Variants in AGBL4 observed in about 807,000 individuals in gnomAD.
AGBL4 encodes the protein cytosolic carboxypeptidase 6.
A neutral mutation model predicts 66.4 loss-of-function variants in AGBL4; 58 were observed. The ratio of observed to expected loss-of-function variants is 0.87; its 90% CI spans 0.71 to 1.09. The LOEUF is 1.09. AGBL4 is among the 50% of genes least tolerant of loss of function. AGBL4 has a pLI of 0.00. For missense variants in AGBL4, 579 were observed against 631.0 expected (o/e 0.92, Z 0.88); for synonymous variants, 234 against 222.9 (o/e 1.05, Z -0.44).
intron 1 of AGBL4, among the ~76,000 whole-genome samples, chr1:49,858,740 G>C (rs894385282): frequency 6.6e-6 from 1 of 152,148 alleles, no homozygotes; most frequent in African/African-American, 2.4e-5. Flanking sequence ...AAAAAGGCCA[G>C]GCAAGGTGCC....
At chr1:49,195,708 C>A (rs1325999705) in intron 4 of AGBL4, among the ~76,000 whole-genome samples, 1 of 152,134 alleles carries the variant, frequency 6.6e-6, no homozygotes, top group Non-Finnish European at 1.5e-5. Context: ...TCTTGCTAGA[C>A]TAGGGAAATT....
intron 1 of AGBL4, among the ~76,000 whole-genome samples, chr1:49,992,755 C>A (rs773790231): frequency 6.6e-6 from 1 of 152,120 alleles, no homozygotes; most frequent in Non-Finnish European, 1.5e-5. Context: ...CTCTGCCAGG[C>A]AGACAAGCTC....
intron 1 of AGBL4, among the ~76,000 whole-genome samples, chr1:49,999,334 C>CA (rs58760048): frequency 8.1e-4 from 109 of 134,476 alleles, no homozygotes; most frequent in African/African-American, 1.2e-3. Context: ...ACTACCACTG[C>CA]AAAAAAAAAA....
chr1:49,737,649 C>T (rs1650008409), intron 2 of AGBL4, among the ~76,000 whole-genome samples: 1 of 152,030 alleles, frequency 6.6e-6, no homozygotes, highest in Non-Finnish European at 1.5e-5. Flanking sequence ...TCCCAGATAA[C>T]AAATCTGTAT....
intron 1 of AGBL4, among the ~76,000 whole-genome samples, chr1:49,877,370 G>T (rs1415685342): frequency 6.6e-6 from 1 of 151,954 alleles, no homozygotes; most frequent in African/African-American, 2.4e-5. Flanking sequence ...TAGCTTGAAG[G>T]GTTGTTGAAT....
At chr1:49,069,203 T>A (rs922238197) in intron 4 of AGBL4, among the ~76,000 whole-genome samples, 11 of 152,222 alleles carry the variant, frequency 7.2e-5, no homozygotes, top group African/African-American at 2.7e-4. Flanking sequence ...CTGATGGTAG[T>A]TTCTTTTGCT....
chr1:49,887,796 AGTT>A (rs1467411403), intron 1 of AGBL4, among the ~76,000 whole-genome samples: 5 of 152,256 alleles, frequency 3.3e-5, no homozygotes, highest in African/African-American at 9.6e-5. Flanking sequence ...CCGAACAATT[AGTT>A]GTTGTTATTC....
At chr1:48,697,514 G>A (rs918301354) in intron 6 of AGBL4, among the ~76,000 whole-genome samples, 5 of 152,206 alleles carry the variant, frequency 3.3e-5, no homozygotes, top group Admixed American at 6.5e-5. Flanking sequence ...ATGGTAAGTA[G>A]GAAGCAAAGA....
chr1:48,718,248 C>G (rs1346259835), intron 6 of AGBL4, among the ~76,000 whole-genome samples: 2 of 152,212 alleles, frequency 1.3e-5, no homozygotes, highest in African/African-American at 4.8e-5. Flanking sequence ...CTGGACTGGG[C>G]TCTCTGAAGG....
At chr1:48,743,246 A>G (rs928021333) in intron 6 of AGBL4, among the ~76,000 whole-genome samples, 1 of 152,186 alleles carries the variant, frequency 6.6e-6, no homozygotes, top group African/African-American at 2.4e-5. Flanking sequence ...CCCAAGACCT[A>G]GTATCTAGAC....
intron 2 of AGBL4, among the ~76,000 whole-genome samples, chr1:49,752,501 G>A (rs1324238900): frequency 1.3e-5 from 2 of 152,052 alleles, no homozygotes; most frequent in Non-Finnish European, 2.9e-5. Flanking sequence ...TATGTGAACA[G>A]TTCTAGAATA....
At chr1:49,013,798 A>C (rs1043955266) in intron 5 of AGBL4, among the ~76,000 whole-genome samples, 3 of 152,186 alleles carry the variant, frequency 2.0e-5, no homozygotes, top group Non-Finnish European at 4.4e-5. Context: ...GCCCTAGATA[A>C]GTCTGAGCCT....
chr1:48,729,877 T>A (rs1196360960), intron 6 of AGBL4, among the ~76,000 whole-genome samples: 1 of 152,146 alleles, frequency 6.6e-6, no homozygotes, highest in Non-Finnish European at 1.5e-5. Context: ...TCATCTTGTC[T>A]TGGCCTTTCC....
intron 3 of AGBL4, among the ~76,000 whole-genome samples, chr1:49,488,855 T>A (rs905137480): frequency 6.6e-6 from 1 of 151,944 alleles, no homozygotes; most frequent in African/African-American, 2.4e-5. Flanking sequence ...TTGTTGCAAA[T>A]GACAGGATCT....
intron 8 of AGBL4, among the ~76,000 whole-genome samples, chr1:48,642,401 G>A (rs1645772006): frequency 6.6e-6 from 1 of 151,998 alleles, no homozygotes; most frequent in African/African-American, 2.4e-5. Flanking sequence ...CTCCCTTCCC[G>A]TACAGAGCAT....
chr1:49,749,569 G>A (rs1416141610), intron 2 of AGBL4, among the ~76,000 whole-genome samples: 1 of 152,014 alleles, frequency 6.6e-6, no homozygotes, highest in African/African-American at 2.4e-5. Flanking sequence ...CAGATACAAA[G>A]TGAATATATG....
chr1:49,197,542 G>A (rs1647326950), intron 4 of AGBL4, among the ~76,000 whole-genome samples: 1 of 152,174 alleles, frequency 6.6e-6, no homozygotes, highest in Admixed American at 6.5e-5. Flanking sequence ...CTGCTGTGCT[G>A]AGGTGCCGGC....
At chr1:49,655,132 G>A (rs1646096830) in intron 3 of AGBL4, among the ~76,000 whole-genome samples, 1 of 152,130 alleles carries the variant, frequency 6.6e-6, no homozygotes, top group South Asian at 2.1e-4. Flanking sequence ...CAGGCCTGGT[G>A]GTGACAAAAT....
intron 1 of AGBL4, among the ~76,000 whole-genome samples, chr1:49,956,040 A>G (rs1157023974): frequency 6.6e-6 from 1 of 151,944 alleles, no homozygotes. Context: ...ATATTCTCTT[A>G]TAATTTTCAA....
Sources: gnomAD v4.1 joint callset for allele counts (sites outside exome capture counted in the v4.1 genomes callset) on GRCh38, gnomAD v4.1.1 for gene constraint, MANE v1.5 for transcripts, NCBI Gene and HGNC (gene_info 2026-07-23, HGNC 2026-07-21) for gene names.